The following BNC2 variants were observed in gnomAD, a reference collection of about 807,000 sequenced individuals.
BNC2 encodes the protein basonuclin zinc finger protein 2.
Under a neutral mutation model 76.3 loss-of-function variants are expected in BNC2, and 20 were observed. That is an observed-to-expected ratio of 0.26 (90% confidence interval 0.18 to 0.38). BNC2 has a LOEUF of 0.38. Ranked by LOEUF, BNC2 falls within the 10% of genes least tolerant of loss-of-function variation. BNC2 has a pLI of 1.00. For synonymous variants in BNC2, 582 were observed against 514.8 expected (o/e 1.13, Z -1.77); for missense variants, 1,382 against 1,399.8 (o/e 0.99, Z 0.20).
chr9:16,535,638 CAT>C (rs1015440909), intron 5 of BNC2, among the ~76,000 whole-genome samples: 1 of 152,100 alleles, frequency 6.6e-6, no homozygotes, highest in African/African-American at 2.4e-5. Flanking sequence ...CTTAGTTCCA[CAT>C]AGATACCACT....
intron 5 of BNC2, among the ~76,000 whole-genome samples, chr9:16,509,124 C>T (rs1039895576): frequency 6.6e-6 from 1 of 152,110 alleles, no homozygotes; most frequent in African/African-American, 2.4e-5. Flanking sequence ...CCATGTTCAG[C>T]CAATGTTTTG....
rs185247281 is a variant in BNC2, at chr9:16,557,063, A to G, written c.434-4298T>C. Among the ~76,000 whole-genome samples the G allele has an allele frequency of 1.6e-3, 251 of 152,290 alleles. 1 individual carries two copies. Among genetic ancestry groups the G allele is most frequent in the African/African-American group, 5.6e-3 (232 of 41,558 alleles). ...AGGTCTGGATCTTGTAGGGTTAGGA[A>G]TATGAGTTAGGCCAATGGCGCTGTG... On this transcript the variant is annotated intron_variant, in intron 4 of 6. Transcript: ENST00000380672.
At chr9:16,744,021 C>T (rs1214675141) in intron 1 of BNC2, among the ~76,000 whole-genome samples, 1 of 152,154 alleles carries the variant, frequency 6.6e-6, no homozygotes. Context: ...GGCTGGAGTG[C>T]AGTGGCGCGA....
intron 1 of BNC2, among the ~76,000 whole-genome samples, chr9:16,748,604 A>G (rs1032681704): frequency 2.0e-5 from 3 of 152,042 alleles, no homozygotes; most frequent in Non-Finnish European, 2.9e-5. Flanking sequence ...GCACTGTGGG[A>G]GGCCAAGGTG....
chr9:16,690,101 C>T (rs1369520978), intron 3 of BNC2, among the ~76,000 whole-genome samples: 1 of 152,236 alleles, frequency 6.6e-6, no homozygotes, highest in Admixed American at 6.5e-5. Flanking sequence ...CTTTCTCTAC[C>T]ATGGGACCCC....
intron 1 of BNC2, among the ~76,000 whole-genome samples, chr9:16,822,837 C>T (rs1818372323): frequency 6.6e-6 from 1 of 152,164 alleles, no homozygotes; most frequent in Admixed American, 6.5e-5. Context: ...GTTCCAACAT[C>T]ATTACTATTC....
chr9:16,520,691 T>C (rs1343798129), intron 5 of BNC2, among the ~76,000 whole-genome samples: 2 of 152,172 alleles, frequency 1.3e-5, no homozygotes, highest in Non-Finnish European at 2.9e-5. Context: ...CATTCCTGAG[T>C]ACAGAGAGCT....
At chr9:16,752,021 T>G (rs941390323) in intron 1 of BNC2, among the ~76,000 whole-genome samples, 6 of 152,084 alleles carry the variant, frequency 3.9e-5, no homozygotes, top group Admixed American at 2.0e-4. Flanking sequence ...AGAGCAAGAC[T>G]CTAAAAACAA....
At chr9:16,854,375 G>C (rs1208370304) in intron 1 of BNC2, among the ~76,000 whole-genome samples, 2 of 152,232 alleles carry the variant, frequency 1.3e-5, no homozygotes, top group Non-Finnish European at 2.9e-5. Context: ...GGATGGAAAA[G>C]AGACACAGAA....
chr9:16,813,491 G>T (rs979745911), intron 1 of BNC2, among the ~76,000 whole-genome samples: 7 of 151,860 alleles, frequency 4.6e-5, no homozygotes, highest in East Asian at 2.0e-4. Context: ...GGACTCGATC[G>T]CCTGACCTCA....
intron 5 of BNC2, among the ~76,000 whole-genome samples, chr9:16,498,502 T>C (rs1488481816): frequency 6.7e-6 from 1 of 150,316 alleles, no homozygotes; most frequent in Non-Finnish European, 1.5e-5. Context: ...ACAACGGACT[T>C]TGGGGACTTA....
At chr9:16,427,968 A>C (rs1820833053) in intron 6 of BNC2, among the ~76,000 whole-genome samples, 1 of 152,140 alleles carries the variant, frequency 6.6e-6, no homozygotes. Context: ...CAAATACATA[A>C]GTTTTTTTTA....
intron 6 of BNC2, among the ~76,000 whole-genome samples, chr9:16,422,527 C>A (rs1453807724): frequency 2.0e-5 from 3 of 152,170 alleles, no homozygotes; most frequent in African/African-American, 7.2e-5. Flanking sequence ...AGAATTGATT[C>A]TTTTACGTTC....
At chr9:16,807,310 T>C (rs577357415) in intron 1 of BNC2, among the ~76,000 whole-genome samples, 29 of 152,350 alleles carry the variant, frequency 1.9e-4, no homozygotes, top group Admixed American at 1.8e-3. Context: ...GAACACAACA[T>C]AGTATCAATT....
Position 16,465,696 on chromosome 9 carries a change from AAATC to A in BNC2, c.670-28176_670-28173del, listed in dbSNP as rs530891920. 4.6e-3 allele frequency among the ~76,000 whole-genome samples: 695 copies of A among 152,286 alleles called. 4 individuals carry two copies. The highest frequency in any genetic ancestry group is 0.016 in the African/African-American group (659 of 41,554). The stretch of plus-strand genomic sequence containing the variant: ...ACAAATTATAACAAGATAAGGAAAA[AAATC>A]AACAGAAATTCAACACTTTCTTAAC... On this transcript the variant is annotated intron_variant, in intron 5 of 6. Coordinates refer to ENST00000380672, the MANE Select transcript of BNC2 (RefSeq NM_017637.6).
chr9:16,633,538 G>A (rs963464266), intron 3 of BNC2, among the ~76,000 whole-genome samples: 6 of 152,028 alleles, frequency 3.9e-5, no homozygotes, highest in African/African-American at 1.4e-4. Context: ...TTGGTAGTGC[G>A]GTAGCTCTAC....
At chr9:16,755,079 C>A (rs1019114764) in intron 1 of BNC2, among the ~76,000 whole-genome samples, 8 of 152,136 alleles carry the variant, frequency 5.3e-5, no homozygotes, top group African/African-American at 1.9e-4. Context: ...CTGACACATT[C>A]CAGACCAAAT....
chr9:16,853,298 T>C lies in BNC2; in HGVS notation c.3+17348A>G, dbSNP rs111437408. 2.0e-4 allele frequency among the ~76,000 whole-genome samples: 30 copies of C among 151,140 alleles called. No homozygotes were observed. In the East Asian group the frequency reaches 5.6e-3, roughly 28 times the overall value. On this transcript the variant is annotated intron_variant, in intron 1 of 6. Coordinates refer to ENST00000380672, the MANE Select transcript of BNC2 (RefSeq NM_017637.6). The stretch of plus-strand genomic sequence containing the variant: ...GGTGGCATGCAGCTGTAGGCCCAGT[T>C]AGGAGGCTAAGGTGGAGGATCACCT...
At chr9:16,742,129 T>C (rs541374359) in intron 1 of BNC2, among the ~76,000 whole-genome samples, 1 of 152,264 alleles carries the variant, frequency 6.6e-6, no homozygotes, top group East Asian at 1.9e-4. Flanking sequence ...TTGTTTAGGT[T>C]TTCCCAAATT....
Sources: allele counts gnomAD v4.1 joint callset (sites outside exome capture counted in the v4.1 genomes callset), GRCh38; gene constraint gnomAD v4.1.1; transcripts MANE v1.5; gene names NCBI Gene and HGNC (gene_info 2026-07-23, HGNC 2026-07-21).